The following VRK2 variants were observed in gnomAD, a reference collection of about 807,000 sequenced individuals.
VRK2 encodes VRK serine/threonine kinase 2.
A neutral mutation model predicts 57.6 loss-of-function variants in VRK2; 60 were observed. That is an observed-to-expected ratio of 1.04 (90% CI 0.85 to 1.29). VRK2 has a LOEUF of 1.29. Among genes scored for constraint, VRK2 ranks in the 50% most tolerant of loss-of-function variants. VRK2 has a pLI of 0.00. For synonymous variants in VRK2, 231 were observed against 199.2 expected (o/e 1.16, Z -1.35); for missense variants, 705 against 588.1 (o/e 1.20, Z -2.06).
At chr2:58,141,684 T>C (rs72953119) in intron 11 of VRK2, among the ~76,000 whole-genome samples, 2,926 of 152,092 alleles carry the variant, frequency 0.019, 108 homozygotes, top group African/African-American at 0.067. Flanking sequence ...GCATAAGATA[T>C]GGGCTCACCA....
intron 12 of VRK2, among the ~76,000 whole-genome samples, chr2:58,152,012 C>T (rs1683153228): frequency 1.3e-5 from 2 of 151,520 alleles, no homozygotes; most frequent in Admixed American, 6.6e-5. Flanking sequence ...CTGCTCAGCA[C>T]AATCCTGCCT....
intron 8 of VRK2, among the ~76,000 whole-genome samples, chr2:58,126,651 C>T (rs60364084): frequency 0.061 from 9,272 of 152,000 alleles, 953 homozygotes; most frequent in African/African-American, 0.21. Flanking sequence ...AAACTCAATT[C>T]TCTTGTGTGA....
chr2:58,032,831 C>A (rs1674158102), intron 2 of VRK2, among the ~76,000 whole-genome samples: 1 of 152,102 alleles, frequency 6.6e-6, no homozygotes, highest in Non-Finnish European at 1.5e-5. Flanking sequence ...GCACCCCAGC[C>A]AGCTTTCCTG....
chr2:58,082,324 C>T (rs1333554646), intron 2 of VRK2, among the ~76,000 whole-genome samples: 1 of 151,648 alleles, frequency 6.6e-6, no homozygotes, highest in Non-Finnish European at 1.5e-5. Context: ...TTGAAACTCC[C>T]AATTTTCTTC....
At chr2:57,954,868 C>T (rs1671534969) in intron 1 of VRK2, among the ~76,000 whole-genome samples, 1 of 151,976 alleles carries the variant, frequency 6.6e-6, no homozygotes, top group African/African-American at 2.4e-5. Flanking sequence ...AAGTCAGCAA[C>T]ATAGAAAGAT....
chr2:58,150,457 TC>T (rs1682827025), intron 12 of VRK2, among the ~76,000 whole-genome samples: 1 of 151,328 alleles, frequency 6.6e-6, no homozygotes, highest in African/African-American at 2.4e-5. Flanking sequence ...CTCTTTCAGT[TC>T]TGATAATGGT....
chr2:58,048,120 A>G (rs1180572394), intron 1 of VRK2, among the ~76,000 whole-genome samples: 1 of 152,222 alleles, frequency 6.6e-6, no homozygotes, highest in Non-Finnish European at 1.5e-5. Context: ...AGTTGATTAA[A>G]GTTGCATGGC....
At chr2:58,066,888 G>A (rs547086140) in intron 2 of VRK2, among the ~76,000 whole-genome samples, 2 of 152,286 alleles carry the variant, frequency 1.3e-5, no homozygotes, top group Non-Finnish European at 2.9e-5. Flanking sequence ...AGGATGTGAA[G>A]TATTATCCCT....
chr2:58,028,470 T>C (rs994228079), intron 2 of VRK2: 1 of 152,154 alleles, frequency 6.6e-6, no homozygotes, highest in African/African-American at 2.4e-5. Flanking sequence ...CCTTTGGGTA[T>C]ATACCCAGTA....
At chr2:58,033,772 C>T (rs559971716) in intron 3 of VRK2, 2 of 151,914 alleles carry the variant, frequency 1.3e-5, no homozygotes, top group African/African-American at 4.8e-5. Context: ...TTCAAAGAAG[C>T]TATGTAGTCT....
intron 7 of VRK2, among the ~76,000 whole-genome samples, chr2:58,121,950 A>G (rs1224557741): frequency 6.6e-6 from 1 of 152,200 alleles, no homozygotes; most frequent in Non-Finnish European, 1.5e-5. Flanking sequence ...CTGTAAAACT[A>G]CTTCTCCCCC....
In VRK2 at chr2:58,159,752, T is replaced by C; in HGVS notation, c.*59T>C. On this transcript the variant is annotated 3_prime_UTR_variant, in exon 13 of 13. Transcript: ENST00000340157. Reference sequence around the variant, plus strand: ...AAGTTTCCAGCTCTTCACCGAAATGTTGTATTCTTATTTCAGTGTTTCCTT... The same window carrying C: ...AAGTTTCCAGCTCTTCACCGAAATGCTGTATTCTTATTTCAGTGTTTCCTT... 6.2e-7 allele frequency: 1 copy of C among 1,613,250 alleles called. No homozygotes were observed. The highest frequency in any genetic ancestry group is 8.5e-7 in the Non-Finnish European group (1 of 1,179,546).
chr2:58,095,248 T>C (rs1672968993), intron 7 of VRK2, among the ~76,000 whole-genome samples: 2 of 148,302 alleles, frequency 1.3e-5, no homozygotes, highest in Non-Finnish European at 3.0e-5. Context: ...GAGCCAAGAT[T>C]GCGCCACTGC....
intron 3 of VRK2, chr2:58,041,201 A>T: frequency 3.3e-6 from 1 of 303,782 alleles, no homozygotes; most frequent in Non-Finnish European, 4.8e-6. Context: ...ACTACATTCA[A>T]TTGTTTGAGA....
intron 12 of VRK2, among the ~76,000 whole-genome samples, chr2:58,150,993 T>G (rs1387592161): frequency 1.3e-5 from 2 of 151,728 alleles, no homozygotes; most frequent in Non-Finnish European, 3.0e-5. Context: ...GAACACATCC[T>G]GTATTATTGC....
intron 1 of VRK2, among the ~76,000 whole-genome samples, chr2:57,978,035 G>A (rs1238241960): frequency 1.3e-5 from 2 of 151,196 alleles, no homozygotes; most frequent in Admixed American, 6.6e-5. Flanking sequence ...ATTTGCATAT[G>A]CTGAACTAAG....
In VRK2 at chr2:58,157,137, C is replaced by CTAAG. The variant is rs539590846; in HGVS notation, c.1183-2210_1183-2207dup. 1.6e-4 allele frequency among the ~76,000 whole-genome samples: 25 copies of CTAAG among 152,196 alleles called. No homozygotes were observed. In the East Asian group the frequency reaches 4.1e-3, roughly 25 times the overall value. On this transcript the variant is annotated intron_variant, in intron 12 of 12. Coordinates refer to ENST00000340157, the MANE Select transcript of VRK2 (RefSeq NM_006296.7). ...CCTTCCTGAGCTTTGTTTTAGATCCCTAAGTTATTTCACATATTTTGACTA... is the reference window on the plus strand; with the variant it reads ...CCTTCCTGAGCTTTGTTTTAGATCCCTAAGTAAGTTATTTCACATATTTTGACTA...
At position 58,133,298 on chromosome 2, in the gene VRK2, A is replaced by G. The variant is rs561295554; in HGVS notation, c.797+1370A>G. Among the ~76,000 whole-genome samples, 184 of 152,210 alleles carry G rather than the reference A, an allele frequency of 1.2e-3. 1 individual carries two copies. Among genetic ancestry groups the G allele is most frequent in the Non-Finnish European group, 2.0e-3 (139 of 67,994 alleles). ...TGCTAATAAATCAAGCATAACTTCT[A>G]TTTACATTTTGGGGACTCTTACATA... On this transcript the variant is annotated intron_variant, in intron 9 of 12. Coordinates refer to ENST00000340157, the MANE Select transcript of VRK2 (RefSeq NM_006296.7).
chr2:58,001,310 A>G (rs1322235558), intron 1 of VRK2, among the ~76,000 whole-genome samples: 1 of 152,212 alleles, frequency 6.6e-6, no homozygotes, highest in Non-Finnish European at 1.5e-5. Context: ...GGCTATTTCC[A>G]CATGTCATTG....
Sources: allele counts gnomAD v4.1 joint callset (sites outside exome capture counted in the v4.1 genomes callset), GRCh38; gene constraint gnomAD v4.1.1; transcripts MANE v1.5; gene names NCBI Gene and HGNC (gene_info 2026-07-23, HGNC 2026-07-21).